Variants in SV2C observed in about 807,000 individuals in gnomAD.
SV2C encodes the protein synaptic vesicle glycoprotein 2C.
In SV2C, 49 loss-of-function variants were observed where a neutral mutation model predicts 79.7. That is an observed-to-expected ratio of 0.61 (90% CI 0.49 to 0.78). The LOEUF is 0.78. Among genes scored for constraint, SV2C ranks in the 30% least tolerant of loss-of-function variants. The pLI is 0.00. For synonymous variants in SV2C, 334 were observed against 333.2 expected (o/e 1.00, Z -0.03); for missense variants, 833 against 912.9 (o/e 0.91, Z 1.13).
chr5:75,851,795 G>A, the SV2C span, among the ~76,000 whole-genome samples: 2 of 152,338 alleles, frequency 1.3e-5, no homozygotes, highest in African/African-American at 4.8e-5. Context: ...GACTACAGGC[G>A]CATGGCGCCA....
the SV2C span, among the ~76,000 whole-genome samples, chr5:75,921,893 A>G: frequency 6.6e-6 from 1 of 152,158 alleles, no homozygotes; most frequent in Non-Finnish European, 1.5e-5. Flanking sequence ...TCATTCATTC[A>G]TTCAAGAAAC....
the SV2C span, among the ~76,000 whole-genome samples, chr5:76,024,435 T>A: frequency 6.6e-6 from 1 of 152,242 alleles, no homozygotes; most frequent in Admixed American, 6.5e-5. Flanking sequence ...ATTGGTCATT[T>A]GCTTTTCATG....
At chr5:76,002,273 CAT>C in the SV2C span, among the ~76,000 whole-genome samples, 1 of 152,160 alleles carries the variant, frequency 6.6e-6, no homozygotes, top group African/African-American at 2.4e-5. Context: ...TTGCTATAAA[CAT>C]GTGTGTGCAT....
intron 12 of SV2C, among the ~76,000 whole-genome samples, chr5:76,313,861 T>C (rs3909796): frequency 0.31 from 46,879 of 152,070 alleles, 7,457 homozygotes; most frequent in East Asian, 0.44. Context: ...GAAAAAATCA[T>C]CTCCGTGGTC....
intron 4 of SV2C, among the ~76,000 whole-genome samples, chr5:76,247,702 C>G (rs967674466): frequency 3.9e-5 from 6 of 152,136 alleles, no homozygotes; most frequent in Admixed American, 6.5e-5. Context: ...AATCTGTGCA[C>G]TTGAATTTTG....
intron 4 of SV2C, chr5:76,242,235 G>T: frequency 9.8e-7 from 1 of 1,015,448 alleles, no homozygotes; most frequent in South Asian, 1.3e-5. Flanking sequence ...CTTCTCTGTG[G>T]TTCGTCCTTC....
chr5:76,199,123 C>G (rs1301121214), intron 3 of SV2C, among the ~76,000 whole-genome samples: 6 of 152,044 alleles, frequency 3.9e-5, no homozygotes, highest in Non-Finnish European at 7.4e-5. Context: ...AGTACAGAAG[C>G]AGCTGAAGTT....
chr5:75,984,541 CTATCTAT>C, the SV2C span, among the ~76,000 whole-genome samples: 1 of 64,996 alleles, frequency 1.5e-5, no homozygotes, highest in Non-Finnish European at 4.8e-5. Context: ...ATCTGCCTAT[CTATCTAT>C]CTATCTATCT....
At chr5:76,022,672 T>G in the SV2C span, among the ~76,000 whole-genome samples, 2 of 152,186 alleles carry the variant, frequency 1.3e-5, no homozygotes, top group Non-Finnish European at 2.9e-5. Context: ...GAAAATTCCC[T>G]TGTAAGCTTT....
At chr5:75,893,068 G>T in the SV2C span, among the ~76,000 whole-genome samples, 3 of 152,006 alleles carry the variant, frequency 2.0e-5, no homozygotes, top group Admixed American at 2.0e-4. Flanking sequence ...GCTTTCCTCT[G>T]CAGCCTCACC....
At chr5:75,975,892 A>C in the SV2C span, among the ~76,000 whole-genome samples, 5 of 152,178 alleles carry the variant, frequency 3.3e-5, no homozygotes, top group Non-Finnish European at 7.3e-5. Flanking sequence ...TCTGATAGGC[A>C]AAGAGAGAAG....
the SV2C span, among the ~76,000 whole-genome samples, chr5:75,871,749 A>C: frequency 3.3e-5 from 5 of 151,282 alleles, no homozygotes; most frequent in African/African-American, 1.2e-4. Context: ...CAGAGGTTGC[A>C]GTGAGCTGAG....
chr5:75,997,919 T>C, the SV2C span, among the ~76,000 whole-genome samples: 37 of 152,160 alleles, frequency 2.4e-4, no homozygotes, highest in African/African-American at 8.4e-4. Flanking sequence ...CTATTCACAA[T>C]AGCAAAGACT....
chr5:76,215,114 C>T (rs1049339874), intron 4 of SV2C, among the ~76,000 whole-genome samples: 2 of 152,018 alleles, frequency 1.3e-5, no homozygotes, highest in Admixed American at 6.5e-5. Flanking sequence ...TTTTCACCAT[C>T]GAGTATGTTA....
chr5:76,347,072 A>G (rs1749558974), intron 12 of SV2C, among the ~76,000 whole-genome samples: 2 of 152,066 alleles, frequency 1.3e-5, no homozygotes, highest in African/African-American at 2.4e-5. Context: ...AAGAGGGGGG[A>G]AAAACAGAAG....
At chr5:76,060,813 C>T in the SV2C span, among the ~76,000 whole-genome samples, 1 of 152,078 alleles carries the variant, frequency 6.6e-6, no homozygotes, top group Non-Finnish European at 1.5e-5. Context: ...GCCTATATCT[C>T]AGCTTTCAAC....
chr5:76,061,433 G>A, the SV2C span, among the ~76,000 whole-genome samples: 1 of 151,988 alleles, frequency 6.6e-6, no homozygotes. Context: ...CGTTACCTTT[G>A]TTACCAAAAT....
the SV2C span, among the ~76,000 whole-genome samples, chr5:75,991,821 C>G: frequency 3.3e-4 from 50 of 151,822 alleles, 1 homozygote; most frequent in East Asian, 7.2e-3. Context: ...CCATAAGCAA[C>G]ACCTACTGAT....
intron 4 of SV2C, among the ~76,000 whole-genome samples, chr5:76,213,881 C>T (rs1157026922): frequency 6.6e-6 from 1 of 152,182 alleles, no homozygotes; most frequent in Non-Finnish European, 1.5e-5. Context: ...CCCCATCCCT[C>T]AATTCCTGGT....
Sources: allele counts gnomAD v4.1 joint callset (sites outside exome capture counted in the v4.1 genomes callset), GRCh38; gene constraint gnomAD v4.1.1; transcripts MANE v1.5; gene names NCBI Gene and HGNC (gene_info 2026-07-23, HGNC 2026-07-21).